The following IFT122 variants were observed in gnomAD, a reference collection of about 807,000 sequenced individuals.
IFT122 encodes the protein intraflagellar transport 122.
In IFT122, 118 loss-of-function variants were observed where a neutral mutation model predicts 161.6. The ratio of observed to expected loss-of-function variants is 0.73; its 90% CI spans 0.63 to 0.85. The LOEUF (loss-of-function observed/expected upper bound fraction) is 0.85. Among genes scored for constraint, IFT122 ranks in the 40% least tolerant of loss-of-function variants. The probability of loss-of-function intolerance (pLI) is 0.00; values close to 1 mark genes in which losing one functional copy is unlikely to be tolerated. For synonymous variants in IFT122, 550 were observed against 602.4 expected (o/e 0.91, Z 1.27); for missense variants, 1,381 against 1,579.6 (o/e 0.87, Z 2.13).
intron 11 of IFT122, 147 bp from the exon 12 acceptor site, chr3:129,477,869 T>C: frequency 1.5e-6 from 1 of 684,284 alleles, no homozygotes; most frequent in South Asian, 1.8e-5. Flanking sequence ...GAGTTGATTG[T>C]ATGTATTAGA....
In IFT122 at chr3:129,517,710, G is replaced by T. The variant is rs539846883; in HGVS notation, c.3391+116G>T. 1.0e-5 allele frequency: 14 copies of T among 1,369,644 alleles called. No individual in the cohort carries two copies. In the South Asian group the frequency reaches 1.5e-4, roughly 15 times the overall value. The allele number at this position is 1,369,644 out of a possible 1,614,324, so 84.8% of individuals were successfully genotyped here. ...CGCGGGCCATGCTGAGCCTGGCCCT[G>T]TGTTCCCAGAGAGATTGGAGAGGCC... On this transcript the variant is annotated intron_variant, in intron 27 of 29. Coordinates refer to ENST00000348417, the MANE Select transcript of IFT122 (RefSeq NM_052989.3).
chr3:129,459,630 TTCCTTCCC>T (rs1316275224), intron 4 of IFT122, among the ~76,000 whole-genome samples: 14 of 146,298 alleles, frequency 9.6e-5, no homozygotes, highest in Non-Finnish European at 9.0e-5. Context: ...CCTTCCTTCC[TTCCTTCCC>T]TCCCTCCCTC....
intron 15 of IFT122, among the ~76,000 whole-genome samples, chr3:129,484,431 C>T (rs72988866): frequency 0.038 from 5,780 of 152,188 alleles, 331 homozygotes; most frequent in African/African-American, 0.12. Context: ...CGCTTTTCTA[C>T]GTGTATATAT....
chr3:129,500,303 C>T (rs2081372539), intron 19 of IFT122, among the ~76,000 whole-genome samples: 1 of 152,226 alleles, frequency 6.6e-6, no homozygotes, highest in African/African-American at 2.4e-5. Context: ...CGGGACATCA[C>T]AGCTGCCATT....
chr3:129,495,969 G>A (rs1159188411), intron 18 of IFT122, among the ~76,000 whole-genome samples: 3 of 152,210 alleles, frequency 2.0e-5, no homozygotes, highest in Non-Finnish European at 2.9e-5. Flanking sequence ...GCCAAGAATC[G>A]GTGTCTTCAG....
At chr3:129,514,176 C>T (rs115426262) in intron 24 of IFT122, 26 of 688,254 alleles carry the variant, frequency 3.8e-5, no homozygotes, top group Non-Finnish European at 6.1e-5. Flanking sequence ...ATGGAAACTA[C>T]GCTGTTTTTA....
chr3:129,490,167 T>G (rs1404973938), intron 16 of IFT122, among the ~76,000 whole-genome samples: 3 of 152,164 alleles, frequency 2.0e-5, no homozygotes, highest in East Asian at 1.9e-4. Context: ...CCAGCCAGAT[T>G]TACTATAGTT....
intron 9 of IFT122, among the ~76,000 whole-genome samples, chr3:129,475,720 AG>A (rs2077852858): frequency 6.6e-6 from 1 of 152,142 alleles, no homozygotes; most frequent in African/African-American, 2.4e-5. Flanking sequence ...AGGCTGAGGC[AG>A]GAAGATCGCT....
intron 16 of IFT122, among the ~76,000 whole-genome samples, chr3:129,490,764 A>G (rs1176481734): frequency 3.3e-5 from 5 of 152,184 alleles, no homozygotes; most frequent in Admixed American, 3.3e-4. Context: ...GGAAACCCAG[A>G]TCTAGAGGGT....
chr3:129,516,542 GCA>G (rs1222701389), intron 26 of IFT122, among the ~76,000 whole-genome samples: 1 of 98,582 alleles, frequency 1.0e-5, no homozygotes, highest in Non-Finnish European at 2.0e-5. Context: ...GACTGCCCCT[GCA>G]CACACACAGA....
rs756919471 is a variant in IFT122, at chr3:129,461,016, C to T, written c.273-212C>T. On this transcript the variant is annotated intron_variant, in intron 4 of 29. Coordinates refer to ENST00000348417, the MANE Select transcript of IFT122 (RefSeq NM_052989.3). ...ACCAACCTGGCCAAAAGTGAGTCCC[C>T]ATCTCTACAAATAAGAAAACAGTGG... 7 of 1,197,706 alleles carry T rather than the reference C, an allele frequency of 5.8e-6. No homozygotes were observed. Among genetic ancestry groups the T allele is most frequent in the Non-Finnish European group, 8.7e-6 (7 of 802,798 alleles). The allele number at this position is 1,197,706 out of a possible 1,614,324, so 74.2% of individuals were successfully genotyped here. A position where few individuals can be genotyped will look rare whatever the true frequency, so the allele number is the denominator to read the frequency against.
At chr3:129,453,177 T>C (rs893806257) in intron 3 of IFT122, among the ~76,000 whole-genome samples, 1 of 152,118 alleles carries the variant, frequency 6.6e-6, no homozygotes, top group African/African-American at 2.4e-5. Context: ...AGATGGGATC[T>C]AGGGCATAGA....
At chr3:129,459,955 G>T (rs939285475) in intron 4 of IFT122, among the ~76,000 whole-genome samples, 1 of 151,636 alleles carries the variant, frequency 6.6e-6, no homozygotes, top group Non-Finnish European at 1.5e-5. Context: ...TAGAGACAGG[G>T]TTTCACTTTG....
chr3:129,501,392 G>T (rs978561315), intron 19 of IFT122, among the ~76,000 whole-genome samples: 1 of 152,106 alleles, frequency 6.6e-6, no homozygotes, highest in Non-Finnish European at 1.5e-5. Flanking sequence ...TGTTTCCTTG[G>T]GTGCTGCCAT....
chr3:129,468,348 TC>T (rs2108180839), intron 8 of IFT122, among the ~76,000 whole-genome samples: 1 of 152,086 alleles, frequency 6.6e-6, no homozygotes, highest in South Asian at 2.1e-4. Flanking sequence ...GGAATGCTTT[TC>T]TTTTTTTTTT....
At position 129,483,582 on chromosome 3, in the gene IFT122, C is replaced by G; in HGVS notation, c.1751C>G (p.Pro584Arg). ...CTCAACATCAAAGCCAGCACCTTCC[C>G]TGTGCACCGGCAGAAGCTGCAGGGC... ...GYLNIKASTFPVHRQKLQGFV... is the reference protein window; with the variant it reads ...GYLNIKASTFRVHRQKLQGFV... The change falls in exon 15 of 30, where the codon CCT becomes CGT. Residue 584 changes from proline (P) to arginine (R), a missense_variant. By Grantham distance (103) the Pro-to-Arg change is moderately radical. Around this residue, in one of 7 missense-constraint regions of IFT122, gnomAD observed 544 missense variants for 648.0 expected, o/e 0.84. Transcript: ENST00000348417. 1 of 1,614,144 alleles carries G rather than the reference C, an allele frequency of 6.2e-7. No individual in the cohort carries two copies. The highest frequency in any genetic ancestry group is 8.5e-7 in the Non-Finnish European group (1 of 1,180,034).
chr3:129,453,855 A>G (rs947863636), intron 3 of IFT122, among the ~76,000 whole-genome samples: 3 of 115,174 alleles, frequency 2.6e-5, no homozygotes, highest in African/African-American at 1.2e-4. Flanking sequence ...GTGGGAAGAA[A>G]TGGGCTTTGG....
intron 11 of IFT122, among the ~76,000 whole-genome samples, chr3:129,477,376 A>T (rs1370141332): frequency 6.6e-6 from 1 of 152,142 alleles, no homozygotes; most frequent in Non-Finnish European, 1.5e-5. Context: ...CAATCCACTT[A>T]CTTCAGGTGT....
chr3:129,450,333 C>G lies in IFT122; in HGVS notation c.108+396C>G, dbSNP rs547921336. Among the ~76,000 whole-genome samples, 3 of 152,312 alleles carry G rather than the reference C, an allele frequency of 2.0e-5. No individual in the cohort carries two copies. In the East Asian group the frequency reaches 5.8e-4, roughly 29 times the overall value. ...CTGACCCCAACTTTTAGGCATTGGC[C>G]TATCTAAACAGTTCCATATGGATGT... On this transcript the variant is annotated intron_variant, in intron 2 of 29. Coordinates refer to ENST00000348417, the MANE Select transcript of IFT122 (RefSeq NM_052989.3).
Sources: gnomAD v4.1 joint callset for allele counts (sites outside exome capture counted in the v4.1 genomes callset) on GRCh38, gnomAD v4.1.1 for gene constraint, gnomAD v4.1.1 regional missense constraint, MANE v1.5 for transcripts, NCBI Gene and HGNC (gene_info 2026-07-23, HGNC 2026-07-21) for gene names.